Variants in TRAK1 observed in about 807,000 individuals in gnomAD.
TRAK1 encodes the protein trafficking kinesin protein 1.
Under a neutral mutation model 92.1 loss-of-function variants are expected in TRAK1, and 33 were observed. The observed-to-expected ratio is 0.36, with a 90% CI of 0.27 to 0.48. The LOEUF (loss-of-function observed/expected upper bound fraction) is 0.48. Among genes scored for constraint, TRAK1 ranks in the 20% least tolerant of loss-of-function variants. The probability of loss-of-function intolerance (pLI) is 0.99; values close to 1 mark genes in which losing one functional copy is unlikely to be tolerated. For missense variants in TRAK1, 1,123 were observed against 1,257.9 expected, an observed-to-expected ratio of 0.89 and a Z score of 1.62; for synonymous variants, 521 against 517.3, an observed-to-expected ratio of 1.01 and a Z score of -0.10.
chr3:42,124,797 A>G (rs543401708), intron 1 of TRAK1, among the ~76,000 whole-genome samples: 4 of 152,372 alleles, frequency 2.6e-5, no homozygotes, highest in Admixed American at 6.5e-5. Flanking sequence ...ACACCAAGCT[A>G]TTCCTTAAAG....
At position 42,224,967 on chromosome 3, in the gene TRAK1, G is replaced by T. The variant is rs1269386902; in HGVS notation, c.*1230G>T. On this transcript the variant is annotated 3_prime_UTR_variant, in exon 16 of 16. Transcript: ENST00000327628. ...TCCCTCCAAAGCCTTTTGTCTCCTTGTGCCTCTTTTTATCCTTAGGAAAAG... is the reference window on the plus strand; with the variant it reads ...TCCCTCCAAAGCCTTTTGTCTCCTTTTGCCTCTTTTTATCCTTAGGAAAAG... The T allele has an allele frequency of 6.6e-6, 1 of 152,172 alleles. No individual in the cohort carries two copies. The highest frequency in any genetic ancestry group is 2.4e-5 in the African/African-American group (1 of 41,414). 9.4% of individuals were successfully genotyped at this position (152,172 alleles called of 1,614,324 possible). A position where few individuals can be genotyped will look rare whatever the true frequency, so the allele number is the denominator to read the frequency against.
At chr3:42,015,454 C>T (rs1313219164) in intron 1 of TRAK1, among the ~76,000 whole-genome samples, 1 of 152,134 alleles carries the variant, frequency 6.6e-6, no homozygotes, top group Non-Finnish European at 1.5e-5. Context: ...GCTTCTCCTT[C>T]TCTGTGGTCT....
At chr3:42,163,518 A>G (rs2149312278) in intron 2 of TRAK1, among the ~76,000 whole-genome samples, 1 of 152,152 alleles carries the variant, frequency 6.6e-6, no homozygotes. Flanking sequence ...CAGTGAGCCA[A>G]GATCGCGCCA....
chr3:42,110,124 A>ATATATATG (rs1167336191), intron 1 of TRAK1, among the ~76,000 whole-genome samples: 1 of 134,478 alleles, frequency 7.4e-6, no homozygotes, highest in African/African-American at 2.9e-5. Context: ...ATATATATAT[A>ATATATATG]TATATATAAA....
At chr3:42,030,692 ATATATATATATATATATAT>A (rs1559709831) in intron 1 of TRAK1, among the ~76,000 whole-genome samples, 834 of 9,586 alleles carry the variant, frequency 0.087, 47 homozygotes, top group Non-Finnish European at 0.12. Flanking sequence ...AAAAAAGAAT[ATATATATATATATATATAT>A]ATATATATAT....
intron 1 of TRAK1, among the ~76,000 whole-genome samples, chr3:42,030,207 G>A (rs1409147928): frequency 6.6e-6 from 1 of 152,040 alleles, no homozygotes; most frequent in Admixed American, 6.6e-5. Context: ...GCTGAGACAG[G>A]AGGATAGCTT....
chr3:42,224,009 CA>C lies in TRAK1; in HGVS notation c.*273del, dbSNP rs1438625211. 1.6e-6 allele frequency: 1 copy of C among 615,420 alleles called. No homozygotes were observed. Among genetic ancestry groups the C allele is most frequent in the Admixed American group, 2.2e-5 (1 of 45,822 alleles). The allele number at this position is 615,420 out of a possible 1,614,324, so 38.1% of individuals were successfully genotyped here. A position where few individuals can be genotyped will look rare whatever the true frequency, so the allele number is the denominator to read the frequency against. On this transcript the variant is annotated 3_prime_UTR_variant, in exon 16 of 16. Coordinates refer to ENST00000327628, the MANE Select transcript of TRAK1 (RefSeq NM_001042646.3). Reference sequence around the variant, plus strand: ...ACTGTCATCACTCTCACGAGGACGTCACCTGTGCTAACCTGGGGGAAGGTGG... The same window carrying C: ...ACTGTCATCACTCTCACGAGGACGTCCCTGTGCTAACCTGGGGGAAGGTGG...
chr3:42,047,757 A>C (rs999898509), intron 1 of TRAK1, among the ~76,000 whole-genome samples: 2 of 152,136 alleles, frequency 1.3e-5, no homozygotes, highest in Non-Finnish European at 2.9e-5. Context: ...AACCATCCCA[A>C]ATTGTACTAC....
In TRAK1 at chr3:42,223,753, C is replaced by T. The variant is rs757952810; in HGVS notation, c.*16C>T. ...CTTACGGTGAGGACTGGAGGGGGGC[C>T]GGTTGCCCTAGAGGAGACCCACGTT... On this transcript the variant is annotated 3_prime_UTR_variant, in exon 16 of 16. Coordinates refer to ENST00000327628, the MANE Select transcript of TRAK1 (RefSeq NM_001042646.3). The surrounding 1 kb of genome is among the most constrained non-coding windows in gnomAD (Gnocchi z 6.1). The T allele has an allele frequency of 2.3e-5, 37 of 1,588,054 alleles. No homozygotes were observed. The highest frequency in any genetic ancestry group is 6.8e-5 in the South Asian group (6 of 88,054).
intron 14 of TRAK1, among the ~76,000 whole-genome samples, chr3:42,215,448 T>A (rs553245587): frequency 2.6e-5 from 4 of 152,336 alleles, no homozygotes; most frequent in Non-Finnish European, 5.9e-5. Context: ...TTATTTTCAA[T>A]AGATTTGTTT....
upstream of TRAK1, among the ~76,000 whole-genome samples, chr3:42,013,543 C>T (rs1400831918): frequency 5.6e-5 from 8 of 143,780 alleles, no homozygotes; most frequent in African/African-American, 1.5e-4. This position sits in a 1 kb window ranked among gnomAD's most constrained non-coding sequence, Gnocchi z 5.1. Flanking sequence ...GAGGGCGGCC[C>T]GCAGGTGGCG....
At chr3:42,129,602 A>G (rs1387136168) in intron 2 of TRAK1, among the ~76,000 whole-genome samples, 1 of 152,154 alleles carries the variant, frequency 6.6e-6, no homozygotes, top group Non-Finnish European at 1.5e-5. Context: ...GAGTCTGAGA[A>G]ACACAGAAAA....
chr3:42,145,014 A>T (rs1470122873), intron 2 of TRAK1, among the ~76,000 whole-genome samples: 3 of 152,234 alleles, frequency 2.0e-5, no homozygotes, highest in Non-Finnish European at 2.9e-5. Context: ...TTTTTTAATT[A>T]TACAAGTAAT....
chr3:42,130,318 GA>G (rs35970859), intron 2 of TRAK1, among the ~76,000 whole-genome samples: 62,631 of 145,950 alleles, frequency 0.43, 13,206 homozygotes, highest in East Asian at 0.55. Context: ...TTGATTGAGG[GA>G]AAAAAAAAAA....
At position 42,225,784 on chromosome 3, in the gene TRAK1, T is replaced by C. The variant is rs748876940; in HGVS notation, c.*2047T>C. Reference sequence around the variant, plus strand: ...CAAATGATGGAAACCACACTGGTATTCTGATTTGTATTTTGTTTTTATCTT... The same window carrying C: ...CAAATGATGGAAACCACACTGGTATCCTGATTTGTATTTTGTTTTTATCTT... On this transcript the variant is annotated 3_prime_UTR_variant, in exon 16 of 16. Transcript: ENST00000327628. The C allele has an allele frequency of 2.6e-5, 4 of 152,226 alleles. No individual in the cohort carries two copies. Among genetic ancestry groups the C allele is most frequent in the African/African-American group, 4.8e-5 (2 of 41,450 alleles). The allele number at this position is 152,226 out of a possible 1,614,324, so 9.4% of individuals were successfully genotyped here. A position where few individuals can be genotyped will look rare whatever the true frequency, so the allele number is the denominator to read the frequency against.
chr3:42,218,314 T>G (rs140565633), intron 14 of TRAK1: 1 of 985,222 alleles, frequency 1.0e-6, no homozygotes, highest in African/African-American at 1.7e-5. Context: ...AAATATACCA[T>G]AAGGAGCTAG....
chr3:42,149,345 G>T (rs530691087), intron 2 of TRAK1: 3 of 1,435,224 alleles, frequency 2.1e-6, no homozygotes, highest in Non-Finnish European at 9.1e-7. Flanking sequence ...TTCCCCCATA[G>T]AATTTTTCTT....
chr3:42,222,016 G>C (rs200267719), intron 15 of TRAK1: 2 of 139,392 alleles, frequency 1.4e-5, no homozygotes, highest in South Asian at 2.3e-4. Flanking sequence ...AAAAAAAAAA[G>C]AACCTTTCCT....
rs1054954407 is a variant in TRAK1, at chr3:42,185,973, C to CT, written c.480+1199dup. Reference sequence around the variant, plus strand: ...ACAGGCATGAGCCACTGTGCCCAGCCTTTTTTTTTTTTTTTTTTTTTTTTT... The same window carrying CT: ...ACAGGCATGAGCCACTGTGCCCAGCCTTTTTTTTTTTTTTTTTTTTTTTTTT... On this transcript the variant is annotated intron_variant, in intron 4 of 15. Transcript: ENST00000327628. 6.1e-3 allele frequency among the ~76,000 whole-genome samples: 513 copies of CT among 83,952 alleles called. 46 individuals are homozygous for CT. The highest frequency in any genetic ancestry group is 0.017 in the African/African-American group (321 of 18,572). The allele number at this position is 83,952 out of a possible 152,430, so 55.1% of individuals were successfully genotyped here.
Sources: allele counts gnomAD v4.1 joint callset (sites outside exome capture counted in the v4.1 genomes callset), GRCh38; gene constraint gnomAD v4.1.1; non-coding constraint Gnocchi (gnomAD v3.1); transcripts MANE v1.5; gene names NCBI Gene and HGNC (gene_info 2026-07-23, HGNC 2026-07-21).